The following LINGO2 variants were observed in gnomAD, a reference collection of about 807,000 sequenced individuals.
LINGO2 encodes leucine-rich repeat and immunoglobulin-like domain-containing nogo receptor-interacting protein 2.
A neutral mutation model predicts 30.6 loss-of-function variants in LINGO2; 14 were observed. The observed-to-expected ratio is 0.46, with a 90% CI of 0.30 to 0.72. LINGO2 has a LOEUF of 0.72. LINGO2 is among the 30% of genes least tolerant of loss of function. The pLI is 0.07. For synonymous variants in LINGO2, 317 were observed against 288.5 expected (o/e 1.10, Z -1.00); for missense variants, 729 against 751.7 (o/e 0.97, Z 0.35).
At chr9:28,102,852 C>T (rs1826459187) in intron 4 of LINGO2, among the ~76,000 whole-genome samples, 2 of 152,104 alleles carry the variant, frequency 1.3e-5, no homozygotes, top group Admixed American at 6.6e-5. Flanking sequence ...GACATTCTTC[C>T]ATGGAAGCCT....
chr9:28,187,719 A>G (rs1169794613), intron 4 of LINGO2, among the ~76,000 whole-genome samples: 3 of 152,186 alleles, frequency 2.0e-5, no homozygotes, highest in African/African-American at 7.2e-5. Flanking sequence ...AGAAGGACAG[A>G]GTTATATATC....
At chr9:28,340,286 GAAGCACA>G (rs1825725306) in intron 3 of LINGO2, among the ~76,000 whole-genome samples, 7 of 152,094 alleles carry the variant, frequency 4.6e-5, no homozygotes, top group Admixed American at 4.6e-4. Flanking sequence ...ATAAAGCTTT[GAAGCACA>G]ATGTCTCGTA....
chr9:28,092,301 G>A (rs1036745168), intron 4 of LINGO2, among the ~76,000 whole-genome samples: 24 of 152,126 alleles, frequency 1.6e-4, no homozygotes, highest in Non-Finnish European at 2.1e-4. Flanking sequence ...CAACCCAAAT[G>A]TCCATCAATG....
chr9:28,003,825 A>G (rs1408144770), intron 5 of LINGO2, among the ~76,000 whole-genome samples: 1 of 152,184 alleles, frequency 6.6e-6, no homozygotes, highest in Non-Finnish European at 1.5e-5. Flanking sequence ...CCTAAGTTGC[A>G]GTTTCCAGGA....
chr9:28,954,154 G>C, the LINGO2 span, among the ~76,000 whole-genome samples: 1 of 152,050 alleles, frequency 6.6e-6, no homozygotes, highest in African/African-American at 2.4e-5. Context: ...TGCTTTCCTT[G>C]AAGTTACAAG....
At chr9:28,959,312 A>G in the LINGO2 span, among the ~76,000 whole-genome samples, 4 of 152,278 alleles carry the variant, frequency 2.6e-5, no homozygotes, top group Admixed American at 6.5e-5. Flanking sequence ...TTGTCTCATA[A>G]GAACAATAAA....
chr9:29,188,660 G>C, the LINGO2 span, among the ~76,000 whole-genome samples: 1 of 143,696 alleles, frequency 7.0e-6, no homozygotes, highest in African/African-American at 2.5e-5. Flanking sequence ...CCGGGCAGAA[G>C]CGCCCCTCAC....
intron 4 of LINGO2, among the ~76,000 whole-genome samples, chr9:28,080,431 T>C (rs562793948): frequency 1.4e-4 from 21 of 152,326 alleles, no homozygotes; most frequent in African/African-American, 5.1e-4. Flanking sequence ...CTGTAGATTT[T>C]TCTGGTCTCT....
At chr9:28,444,151 T>C (rs1824314386) in intron 2 of LINGO2, among the ~76,000 whole-genome samples, 1 of 152,128 alleles carries the variant, frequency 6.6e-6, no homozygotes, top group Admixed American at 6.6e-5. Flanking sequence ...TCCTCATTCT[T>C]CCTGGATATG....
At chr9:28,194,068 AG>A (rs1819921922) in intron 4 of LINGO2, among the ~76,000 whole-genome samples, 1 of 152,156 alleles carries the variant, frequency 6.6e-6, no homozygotes, top group African/African-American at 2.4e-5. Context: ...CACAAATGCC[AG>A]TCCAGTTTCA....
chr9:28,572,891 T>C (rs1823767926), intron 1 of LINGO2, among the ~76,000 whole-genome samples: 1 of 152,146 alleles, frequency 6.6e-6, no homozygotes, highest in African/African-American at 2.4e-5. Flanking sequence ...TAATTTGAGA[T>C]GTCCTTCAAA....
chr9:28,373,709 G>T (rs1352628455), intron 2 of LINGO2, among the ~76,000 whole-genome samples: 1 of 152,020 alleles, frequency 6.6e-6, no homozygotes, highest in East Asian at 1.9e-4. Context: ...AGACCAGCCT[G>T]GCCAACATGG....
At chr9:29,035,046 T>G in the LINGO2 span, among the ~76,000 whole-genome samples, 2 of 152,094 alleles carry the variant, frequency 1.3e-5, no homozygotes, top group African/African-American at 4.8e-5. Flanking sequence ...AATATTCAAT[T>G]TAACTGCATT....
chr9:28,454,705 G>A (rs1477153624), intron 2 of LINGO2, among the ~76,000 whole-genome samples: 1 of 151,882 alleles, frequency 6.6e-6, no homozygotes, highest in Non-Finnish European at 1.5e-5. Context: ...TACTGCAAAA[G>A]GAATCAATTC....
chr9:28,864,899 A>G, the LINGO2 span, among the ~76,000 whole-genome samples: 2 of 152,330 alleles, frequency 1.3e-5, no homozygotes, highest in African/African-American at 4.8e-5. Flanking sequence ...CCAGGTTTCA[A>G]GAAATACAAA....
At chr9:28,357,321 C>A in intron 3 of LINGO2, among the ~76,000 whole-genome samples, 1 of 138,912 alleles carries the variant, frequency 7.2e-6, no homozygotes, top group Non-Finnish European at 1.6e-5. Context: ...TAAAGCCCAC[C>A]CCCCCCAAAA....
chr9:28,928,825 A>C, the LINGO2 span, among the ~76,000 whole-genome samples: 2 of 152,114 alleles, frequency 1.3e-5, no homozygotes, highest in Admixed American at 6.5e-5. Context: ...CAGGGTAGTG[A>C]GTTCTAGGCA....
At chr9:27,997,974 T>A (rs1821753748) in intron 5 of LINGO2, among the ~76,000 whole-genome samples, 1 of 150,804 alleles carries the variant, frequency 6.6e-6, no homozygotes, top group African/African-American at 2.4e-5. Context: ...GGGGGGGAGG[T>A]GGACACCAGT....
At chr9:29,171,911 A>T in the LINGO2 span, among the ~76,000 whole-genome samples, 1 of 151,950 alleles carries the variant, frequency 6.6e-6, no homozygotes, top group East Asian at 1.9e-4. Context: ...TGAGAATTCT[A>T]TAATACATGT....
Sources: allele counts gnomAD v4.1 joint callset (sites outside exome capture counted in the v4.1 genomes callset), GRCh38; gene constraint gnomAD v4.1.1; transcripts MANE v1.5; gene names NCBI Gene and HGNC (gene_info 2026-07-23, HGNC 2026-07-21).